The following CNTN4 variants were observed in gnomAD, a reference collection of about 807,000 sequenced individuals.
CNTN4 encodes the protein contactin 4, also known as contactin-4.
CNTN4 carries 77 observed loss-of-function variants against 122.5 expected under a neutral mutation model. That is an observed-to-expected ratio of 0.63 (90% confidence interval 0.52 to 0.76). The LOEUF is 0.76. CNTN4 is among the 30% of genes least tolerant of loss of function. The probability of loss-of-function intolerance (pLI) is 0.00; values close to 1 mark genes in which losing one functional copy is unlikely to be tolerated. For synonymous variants in CNTN4, 512 were observed against 447.0 expected (o/e 1.15, Z -1.83); for missense variants, 1,256 against 1,259.1 (o/e 1.00, Z 0.04).
intron 4 of CNTN4, among the ~76,000 whole-genome samples, chr3:2,583,868 G>C (rs943903923): frequency 6.6e-6 from 1 of 152,102 alleles, no homozygotes; most frequent in Non-Finnish European, 1.5e-5. Context: ...TTCAAACTCT[G>C]TTCTGCCAGA....
At chr3:2,719,881 A>G (rs937739639) in intron 4 of CNTN4, among the ~76,000 whole-genome samples, 13 of 152,322 alleles carry the variant, frequency 8.5e-5, no homozygotes, top group Non-Finnish European at 1.5e-5. Context: ...CAGGATATGT[A>G]GTGTTCAGCC....
chr3:2,714,414 G>T (rs902998733), intron 4 of CNTN4, among the ~76,000 whole-genome samples: 1 of 151,870 alleles, frequency 6.6e-6, no homozygotes, highest in Non-Finnish European at 1.5e-5. Context: ...ATAAGCAAGA[G>T]CAAGTGGGGA....
intron 4 of CNTN4, among the ~76,000 whole-genome samples, chr3:2,661,602 C>A (rs1050458374): frequency 9.2e-5 from 14 of 151,854 alleles, no homozygotes; most frequent in Admixed American, 2.6e-4. Context: ...CACCTGAGAT[C>A]GGGAATTCAA....
chr3:2,726,443 G>A (rs1241867420), intron 4 of CNTN4, among the ~76,000 whole-genome samples: 1 of 152,180 alleles, frequency 6.6e-6, no homozygotes, highest in South Asian at 2.1e-4. Context: ...TGAAAGAGTA[G>A]GAGGGTTGGT....
At chr3:2,910,686 G>T (rs1057447647) in intron 12 of CNTN4, among the ~76,000 whole-genome samples, 2 of 151,422 alleles carry the variant, frequency 1.3e-5, no homozygotes, top group African/African-American at 4.8e-5. Flanking sequence ...CAAGTTCTTT[G>T]AATTTGTGAA....
At chr3:2,834,094 C>T (rs1010702625) in intron 7 of CNTN4, among the ~76,000 whole-genome samples, 1 of 151,936 alleles carries the variant, frequency 6.6e-6, no homozygotes. Context: ...TGCAGTAAGC[C>T]GAGATCGCCA....
intron 6 of CNTN4, among the ~76,000 whole-genome samples, chr3:2,753,690 G>A (rs1048724766): frequency 1.1e-4 from 16 of 152,128 alleles, no homozygotes; most frequent in Admixed American, 2.6e-4. Flanking sequence ...AGATTTGGGT[G>A]GTTGGTGAAA....
Position 2,988,391 on chromosome 3 carries a change from A to C in CNTN4, c.1405A>C (p.Lys469Gln), listed in dbSNP as rs1402132882. Residue 469 changes from lysine to glutamine, a missense_variant, in exon 14 of 25, where the codon AAA becomes CAA. Physicochemically the swap from Lys to Gln is moderately conservative, Grantham distance 53. Coordinates refer to ENST00000418658, the MANE Select transcript of CNTN4 (RefSeq NM_175607.3). ...AAACCTCAGAATCATCAACGTTACT[A>C]AATCAGACGCTGGGAGTTATACCTG... The part of the protein sequence containing the change: ...DGNLRIINVT[K>Q]SDAGSYTCIA... The C allele has an allele frequency of 9.3e-6, 15 of 1,613,676 alleles. No homozygotes were observed. Among genetic ancestry groups the C allele is most frequent in the Non-Finnish European group, 1.3e-5 (15 of 1,179,768 alleles).
intron 12 of CNTN4, among the ~76,000 whole-genome samples, chr3:2,923,268 ACT>A (rs1360021767): frequency 1.3e-5 from 2 of 151,862 alleles, no homozygotes; most frequent in African/African-American, 4.8e-5. Context: ...CAGATTTGTA[ACT>A]CTATTTCACA....
At chr3:2,150,790 C>G (rs1306643139) in intron 2 of CNTN4, among the ~76,000 whole-genome samples, 1 of 152,192 alleles carries the variant, frequency 6.6e-6, no homozygotes, top group South Asian at 2.1e-4. Context: ...GGAGAACATT[C>G]TGTTTAACCA....
At chr3:2,536,582 A>G (rs2077815767) in intron 3 of CNTN4, among the ~76,000 whole-genome samples, 2 of 151,686 alleles carry the variant, frequency 1.3e-5, no homozygotes, top group Non-Finnish European at 2.9e-5. Context: ...AATATTTTTT[A>G]AATAATTTTT....
chr3:2,415,890 A>G (rs2047393752), intron 3 of CNTN4, among the ~76,000 whole-genome samples: 1 of 152,108 alleles, frequency 6.6e-6, no homozygotes, highest in Admixed American at 6.5e-5. Flanking sequence ...CTTCAGTAAC[A>G]ACTCTAGAAG....
rs79338330 is a variant in CNTN4 at position 2,375,751 on chromosome 3, A to G, written c.-89+36518A>G. ...TATATCATGAAGTGTTACCGGGTTTATGTGCCTGTCCACATTTCATAAAGT... is the reference window on the plus strand; with the variant it reads ...TATATCATGAAGTGTTACCGGGTTTGTGTGCCTGTCCACATTTCATAAAGT... On this transcript the variant is annotated intron_variant, in intron 3 of 24. Transcript: ENST00000418658. Among the ~76,000 whole-genome samples the G allele has an allele frequency of 2.1e-3, 327 of 152,206 alleles. 1 individual carries two copies. Among genetic ancestry groups the G allele is most frequent in the African/African-American group, 7.7e-3 (318 of 41,532 alleles).
intron 3 of CNTN4, among the ~76,000 whole-genome samples, chr3:2,369,226 A>G (rs1263272288): frequency 6.6e-6 from 1 of 152,040 alleles, no homozygotes; most frequent in Non-Finnish European, 1.5e-5. Context: ...CCTGGCCCCA[A>G]AATTGTGATT....
intron 3 of CNTN4, among the ~76,000 whole-genome samples, chr3:2,496,692 T>A (rs1371146357): frequency 1.3e-5 from 2 of 152,162 alleles, no homozygotes; most frequent in Admixed American, 6.5e-5. Context: ...TCAGTTCCCT[T>A]TTCCAAAGTC....
At chr3:2,960,489 T>C (rs2094841604) in intron 13 of CNTN4, among the ~76,000 whole-genome samples, 4 of 152,198 alleles carry the variant, frequency 2.6e-5, no homozygotes. Context: ...ACAAGTTATA[T>C]ATAATAGGCC....
chr3:2,982,496 T>G (rs1382235147), intron 13 of CNTN4, among the ~76,000 whole-genome samples: 1 of 152,198 alleles, frequency 6.6e-6, no homozygotes, highest in African/African-American at 2.4e-5. Context: ...CTCTCTCTCT[T>G]TCTCTTGGGC....
chr3:2,356,373 G>A (rs574374147), intron 3 of CNTN4, among the ~76,000 whole-genome samples: 2 of 152,266 alleles, frequency 1.3e-5, no homozygotes, highest in Non-Finnish European at 2.9e-5. Flanking sequence ...GTAAAGGGAT[G>A]GGCAATTCCT....
At chr3:2,768,320 A>C (rs996675117) in intron 6 of CNTN4, among the ~76,000 whole-genome samples, 4 of 152,256 alleles carry the variant, frequency 2.6e-5, no homozygotes, top group African/African-American at 9.6e-5. Context: ...AGGAAATCTT[A>C]TCTTGGATAA....
Sources: allele counts gnomAD v4.1 joint callset (sites outside exome capture counted in the v4.1 genomes callset), GRCh38; gene constraint gnomAD v4.1.1; transcripts MANE v1.5; gene names NCBI Gene and HGNC (gene_info 2026-07-23, HGNC 2026-07-21).